Variants in ZIM2 observed in about 807,000 individuals in gnomAD.
ZIM2 encodes the protein zinc finger imprinted 2.
Under a neutral mutation model 38.6 loss-of-function variants are expected in ZIM2, and 14 were observed. That is an observed-to-expected ratio of 0.36 (90% confidence interval 0.24 to 0.57). ZIM2 has a LOEUF of 0.57. Among genes scored for constraint, ZIM2 ranks in the 20% least tolerant of loss-of-function variants. ZIM2 has a pLI of 0.81. For missense variants in ZIM2, 680 were observed against 695.1 expected (o/e 0.98, Z 0.24); for synonymous variants, 247 against 245.8 (o/e 1.00, Z -0.04).
chr19:56,823,747 C>T, intron 4 of ZIM2, 68 bp from the exon 5 acceptor site: 1 of 1,556,072 alleles, frequency 6.4e-7, no homozygotes, highest in East Asian at 2.2e-5. Context: ...CCCCCAATCC[C>T]TGAGCCGCAT....
intron 9 of ZIM2, among the ~76,000 whole-genome samples, chr19:56,793,720 A>C (rs1438677132): frequency 6.6e-6 from 1 of 152,238 alleles, no homozygotes; most frequent in Non-Finnish European, 1.5e-5. Context: ...CCAAGTGTTG[A>C]CAAGGATAAT....
rs193294015 is a variant in ZIM2 at position 56,821,680 on chromosome 19, C to T, written c.265G>A (p.Asp89Asn). ...SFEMDREDDR[D>N]SRAYESRSQD... ...GATCGGGACTCATAAGCCCTGGAGT[C>T]CCTGTCGTCCTCTCTGTCCATTTCA... The change falls in exon 7 of 13, where the codon GAC becomes AAC. Residue 89 changes from aspartate (D) to asparagine (N), a missense_variant. Transcript: ENST00000629319. The T allele has an allele frequency of 1.9e-6, 3 of 1,613,998 alleles. No individual in the cohort carries two copies. The highest frequency in any genetic ancestry group is 1.6e-4 in the Middle Eastern group (1 of 6,062).
chr19:56,792,378 A>T (rs754739951), intron 9 of ZIM2, among the ~76,000 whole-genome samples: 5 of 151,568 alleles, frequency 3.3e-5, no homozygotes, highest in Non-Finnish European at 7.4e-5. Flanking sequence ...TAAAAATACA[A>T]AAATTAGCCA....
rs947199405 is a variant in ZIM2, at chr19:56,840,667, C to T, written c.-399G>A. 6.5e-6 allele frequency: 1 copy of T among 153,150 alleles called. No individual in the cohort carries two copies. Among genetic ancestry groups the T allele is most frequent in the African/African-American group, 2.4e-5 (1 of 41,492 alleles). The allele number at this position is 153,150 out of a possible 1,614,324, so 9.5% of individuals were successfully genotyped here. Reference sequence around the variant, plus strand: ...CCGGCGCCCGGCGGCGCCACCAGCCCAGGGTGGACATCTCCCGCGCCTCCC... The same window carrying T: ...CCGGCGCCCGGCGGCGCCACCAGCCTAGGGTGGACATCTCCCGCGCCTCCC... On this transcript the variant is annotated 5_prime_UTR_variant, in exon 1 of 13. Transcript: ENST00000629319.
intron 1 of ZIM2, among the ~76,000 whole-genome samples, chr19:56,840,243 C>T: frequency 6.6e-6 from 1 of 152,206 alleles, no homozygotes; most frequent in East Asian, 1.9e-4. Flanking sequence ...CCCCGGTTTG[C>T]TGCGGTGGCC....
At chr19:56,813,020 A>G in intron 9 of ZIM2, 4 of 985,722 alleles carry the variant, frequency 4.1e-6, no homozygotes, top group Non-Finnish European at 4.8e-6. Flanking sequence ...ATCTTTTCAA[A>G]CAGTAAGGAG....
chr19:56,803,202 C>T (rs2047606369), intron 9 of ZIM2, among the ~76,000 whole-genome samples: 1 of 152,166 alleles, frequency 6.6e-6, no homozygotes, highest in South Asian at 2.1e-4. Context: ...ATTGATGACC[C>T]CCACATAACT....
chr19:56,790,093 T>C, intron 9 of ZIM2, 142 bp from the exon 10 acceptor site: 1 of 535,222 alleles, frequency 1.9e-6, no homozygotes, highest in East Asian at 3.4e-5. Context: ...GAAAGTCAGA[T>C]ATCATTTCTC....
chr19:56,810,839 T>G, intron 9 of ZIM2: 1 of 961,370 alleles, frequency 1.0e-6, no homozygotes, highest in Non-Finnish European at 1.2e-6. Context: ...TTAAAATAAT[T>G]TACTTTATTT....
At chr19:56,804,058 G>A (rs1267235698) in intron 9 of ZIM2, among the ~76,000 whole-genome samples, 1 of 152,214 alleles carries the variant, frequency 6.6e-6, no homozygotes, top group African/African-American at 2.4e-5. Context: ...CAATCAAAAA[G>A]GTGGCTGGGA....
At chr19:56,776,944 G>T (rs2046044639) in intron 12 of ZIM2, among the ~76,000 whole-genome samples, 1 of 152,152 alleles carries the variant, frequency 6.6e-6, no homozygotes, top group African/African-American at 2.4e-5. Flanking sequence ...AGATGAGGCT[G>T]GGATGCAAAT....
intron 10 of ZIM2, among the ~76,000 whole-genome samples, chr19:56,785,575 C>G (rs1045825938): frequency 6.6e-6 from 1 of 152,140 alleles, no homozygotes; most frequent in Non-Finnish European, 1.5e-5. Context: ...TATCATGTCC[C>G]TATAAGAGCT....
intron 2 of ZIM2, 40 bp downstream of exon 2, chr19:56,835,977 CA>C (rs2062061504): frequency 2.0e-6 from 1 of 501,100 alleles, no homozygotes; most frequent in East Asian, 5.7e-5. Context: ...GTGGTCACTC[CA>C]AAGATGAATG....
intron 3 of ZIM2, among the ~76,000 whole-genome samples, chr19:56,825,389 T>A (rs1011884726): frequency 3.9e-5 from 6 of 152,356 alleles, no homozygotes; most frequent in Middle Eastern, 3.4e-3. Context: ...TCTTTTGCCT[T>A]CATCAATCTT....
chr19:56,824,221 G>A lies in ZIM2; in HGVS notation c.16+41C>T, dbSNP rs543010174. On this transcript the variant is annotated intron_variant, in intron 4 of 12. Coordinates refer to ENST00000629319, the MANE Select transcript of ZIM2 (RefSeq NM_001387356.1). Reference sequence around the variant, plus strand: ...AGGCTGAGAGCCCCAGGGGACACCTGAGGCCTGCACTGACCACCAACACCC... The same window carrying A: ...AGGCTGAGAGCCCCAGGGGACACCTAAGGCCTGCACTGACCACCAACACCC... The A allele has an allele frequency of 5.3e-5, 84 of 1,592,748 alleles. 1 individual carries two copies. The South Asian group carries it at 9.1e-4, about 17-fold the overall frequency.
At position 56,814,336 on chromosome 19, in the gene ZIM2, G is replaced by A. The variant is rs746742767; in HGVS notation, c.490+3410C>T. On this transcript the variant is annotated intron_variant, in intron 9 of 12. Transcript: ENST00000629319. The surrounding 1 kb of genome is among the most constrained non-coding windows in gnomAD (Gnocchi z 5.8). ...ATTGGCTTCAACTTCCTGGGCTGCT[G>A]CTGCTGCAGCTGCTGCTGCTTCATC... is the stretch of plus-strand genomic sequence containing the variant. 1 of 1,613,346 alleles carries A rather than the reference G, an allele frequency of 6.2e-7. No homozygotes were observed. The highest frequency in any genetic ancestry group is 1.1e-5 in the South Asian group (1 of 91,030).
In ZIM2 at chr19:56,775,543, G is replaced by A. The variant is rs1318309356; in HGVS notation, c.836-14C>T. The A allele has an allele frequency of 6.3e-7, 1 of 1,581,378 alleles. No individual in the cohort carries two copies. Among genetic ancestry groups the A allele is most frequent in the Admixed American group, 1.8e-5 (1 of 54,424 alleles). On this transcript the variant is annotated splice_polypyrimidine_tract_variant and intron_variant, in intron 12 of 12. Transcript: ENST00000629319. ...CATGAGACTCTCCTGCAGAGACAAT[G>A]CCAGAAGTTACCTACCGCCCAATTA... is the stretch of plus-strand genomic sequence containing the variant.
chr19:56,838,594 G>C (rs551711932), intron 1 of ZIM2, among the ~76,000 whole-genome samples: 1 of 152,330 alleles, frequency 6.6e-6, no homozygotes, highest in Admixed American at 6.5e-5. Context: ...AACAGGGGAA[G>C]GGGTGAGCCT....
At chr19:56,815,955 T>C in intron 9 of ZIM2, 1 of 1,593,578 alleles carries the variant, frequency 6.3e-7, no homozygotes, top group Non-Finnish European at 8.5e-7. Flanking sequence ...ACCTACTGTA[T>C]TCCCTTCCTT....
Sources: gnomAD v4.1 joint callset for allele counts (sites outside exome capture counted in the v4.1 genomes callset) on GRCh38, gnomAD v4.1.1 for gene constraint, Gnocchi (gnomAD v3.1) non-coding constraint, MANE v1.5 for transcripts, NCBI Gene and HGNC (gene_info 2026-07-23, HGNC 2026-07-21) for gene names.